FCHO2: variants seen among roughly 807,000 people sequenced by gnomAD.
The protein encoded by FCHO2 is FCH and mu domain containing endocytic adaptor 2, also known as F-BAR domain only protein 2.
In FCHO2, 43 loss-of-function variants were observed where a neutral mutation model predicts 114.1. The ratio of observed to expected loss-of-function variants is 0.38; its 90% confidence interval spans 0.30 to 0.49. The LOEUF is 0.49. FCHO2 is among the 20% of genes least tolerant of loss of function. The pLI is 0.97. For synonymous variants in FCHO2, 293 were observed against 315.2 expected, an observed-to-expected ratio of 0.93 and a Z score of 0.75; for missense variants, 807 against 950.4, an observed-to-expected ratio of 0.85 and a Z score of 1.98.
At chr5:73,082,082 T>G (rs950811978) in intron 23 of FCHO2, 100 bp downstream of exon 23, 1 of 1,078,890 alleles carries the variant, frequency 9.3e-7, no homozygotes, top group Admixed American at 3.1e-5. Flanking sequence ...GTTTGAAAAA[T>G]TTTTGTGCCT....
At position 73,014,688 on chromosome 5, in the gene FCHO2, T is replaced by C. The variant is rs146644718; in HGVS notation, c.601-938T>C. Among the ~76,000 whole-genome samples the C allele has an allele frequency of 5.9e-5, 9 of 152,328 alleles. No individual in the cohort carries two copies. The East Asian group carries it at 9.6e-4, about 16-fold the overall frequency. On this transcript the variant is annotated intron_variant, in intron 6 of 25. Coordinates refer to ENST00000430046, the MANE Select transcript of FCHO2 (RefSeq NM_138782.3). ...TGTAGTTTTTGCTTTGCCAACTGAT[T>C]GTTTTTCAGTTTTTAAAACTCTTTG... is the stretch of plus-strand genomic sequence containing the variant.
chr5:73,043,835 C>T (rs1034643436), intron 11 of FCHO2, among the ~76,000 whole-genome samples: 3 of 152,136 alleles, frequency 2.0e-5, no homozygotes, highest in Admixed American at 6.5e-5. Context: ...TTACAGTGAT[C>T]AGTAGAGAAA....
At chr5:73,045,354 A>G (rs771128696) in intron 11 of FCHO2, among the ~76,000 whole-genome samples, 2 of 152,180 alleles carry the variant, frequency 1.3e-5, no homozygotes, top group African/African-American at 4.8e-5. Context: ...ATCATACAAT[A>G]TGTATGCTTT....
rs1420064542 is a variant in FCHO2, at chr5:72,990,599, C to A, written c.322C>A (p.Gln108Lys). 2 of 1,530,450 alleles carry A rather than the reference C, an allele frequency of 1.3e-6. No individual in the cohort carries two copies. The highest frequency in any genetic ancestry group is 1.7e-6 in the Non-Finnish European group (2 of 1,144,020). The allele number at this position is 1,530,450 out of a possible 1,614,324, so 94.8% of individuals were successfully genotyped here. A position where few individuals can be genotyped will look rare whatever the true frequency, so the allele number is the denominator to read the frequency against. The change falls in exon 4 of 26, where the codon CAA (glutamine) becomes AAA (lysine). Residue 108 changes from glutamine to lysine, a missense_variant. Coordinates refer to ENST00000430046, the MANE Select transcript of FCHO2 (RefSeq NM_138782.3). The stretch of plus-strand genomic sequence containing the variant: ...GGAAGTTCAGAAGTATGGAGAAGAA[C>A]AAGTAAAGTCTCATAAAAAGGTATC... Reference protein sequence around the residue: ...IKEVQKYGEEQVKSHKKTKEE... With the variant: ...IKEVQKYGEEKVKSHKKTKEE...
At chr5:73,030,381 A>G (rs1756174669) in intron 8 of FCHO2, among the ~76,000 whole-genome samples, 1 of 152,190 alleles carries the variant, frequency 6.6e-6, no homozygotes, top group South Asian at 2.1e-4. Flanking sequence ...ATACCACTAT[A>G]TTTTAAAACT....
intron 19 of FCHO2, among the ~76,000 whole-genome samples, chr5:73,071,329 A>C (rs1237235988): frequency 6.6e-6 from 1 of 152,026 alleles, no homozygotes; most frequent in Non-Finnish European, 1.5e-5. Flanking sequence ...TAAAAAAAAA[A>C]CCTCTAATAC....
intron 11 of FCHO2, 98 bp from the exon 12 acceptor site, chr5:73,051,251 G>A (rs1230981863): frequency 3.2e-5 from 23 of 727,654 alleles, no homozygotes; most frequent in Non-Finnish European, 4.8e-5. Context: ...TCTGAGAAGC[G>A]GTTTGGTTCC....
intron 9 of FCHO2, 55 bp from the exon 10 acceptor site, chr5:73,037,088 A>T: frequency 8.1e-7 from 1 of 1,241,046 alleles, no homozygotes; most frequent in Non-Finnish European, 1.1e-6. Context: ...CCATAAGTTT[A>T]ATATGTTTAT....
chr5:73,002,086 A>T (rs1754474861), intron 5 of FCHO2, among the ~76,000 whole-genome samples: 1 of 152,188 alleles, frequency 6.6e-6, no homozygotes, highest in Non-Finnish European at 1.5e-5. Context: ...AACCTTTGAG[A>T]TAAAGATAAT....
At chr5:73,029,986 T>G in intron 8 of FCHO2, among the ~76,000 whole-genome samples, 1 of 149,578 alleles carries the variant, frequency 6.7e-6, no homozygotes, top group Non-Finnish European at 1.5e-5. Flanking sequence ...GGACATTTTT[T>G]TCTTTGCATT....
intron 9 of FCHO2, 22 bp from the exon 10 acceptor site, chr5:73,037,121 A>G: frequency 1.4e-6 from 2 of 1,442,704 alleles, no homozygotes; most frequent in East Asian, 2.4e-5. Flanking sequence ...TGTTTCTGTA[A>G]CAATATATAT....
chr5:72,995,343 C>A (rs1187898302), intron 5 of FCHO2, among the ~76,000 whole-genome samples: 1 of 151,894 alleles, frequency 6.6e-6, no homozygotes, highest in Non-Finnish European at 1.5e-5. Context: ...GCAACCTCCG[C>A]CTCCCGAGTT....
At chr5:72,964,314 A>G (rs545120916) in intron 1 of FCHO2, among the ~76,000 whole-genome samples, 3 of 152,316 alleles carry the variant, frequency 2.0e-5, no homozygotes, top group East Asian at 3.9e-4. Context: ...CCTTCAATCA[A>G]CCAACAAATA....
At chr5:72,957,946 T>C (rs1327094366) in intron 1 of FCHO2, among the ~76,000 whole-genome samples, 2 of 152,214 alleles carry the variant, frequency 1.3e-5, no homozygotes, top group African/African-American at 4.8e-5. Context: ...TTAATGTGCT[T>C]ATTGCCTATT....
Position 73,082,834 on chromosome 5 carries a change from G to C in FCHO2, c.2245+9G>C. ...AAAATCAGAAAATGGAGGTAAGTGT[G>C]TGTGTCCTTTTTTATTTATAAAATG... On this transcript the variant is annotated intron_variant, in intron 24 of 25. Coordinates refer to ENST00000430046, the MANE Select transcript of FCHO2 (RefSeq NM_138782.3). The C allele has an allele frequency of 6.4e-7, 1 of 1,571,402 alleles. No individual in the cohort carries two copies. The highest frequency in any genetic ancestry group is 8.6e-7 in the Non-Finnish European group (1 of 1,162,794).
Position 73,035,200 on chromosome 5 carries a change from T to G in FCHO2, c.841+499T>G, listed in dbSNP as rs148624758. ...TGGGAGGCTGAGGCAGGAGGATTAC[T>G]TGAGTCCAGGAGTTCGAGACCAGCC... On this transcript the variant is annotated intron_variant, in intron 9 of 25. Transcript: ENST00000430046. 3.8e-3 allele frequency among the ~76,000 whole-genome samples: 580 copies of G among 152,200 alleles called. 2 individuals are homozygous for G. The highest frequency in any genetic ancestry group is 0.013 in the African/African-American group (545 of 41,526).
intron 1 of FCHO2, 115 bp downstream of exon 1, chr5:72,956,244 C>T (rs1751526693): frequency 1.5e-6 from 2 of 1,378,658 alleles, no homozygotes; most frequent in African/African-American, 3.0e-5. Context: ...GGCGAGCGTC[C>T]TCCTGCCGCG....
chr5:73,060,878 A>G (rs1206544521), intron 17 of FCHO2, among the ~76,000 whole-genome samples: 1 of 152,000 alleles, frequency 6.6e-6, no homozygotes, highest in East Asian at 1.9e-4. Flanking sequence ...GTCAGATATG[A>G]ATATATATAA....
At chr5:73,059,049 T>C (rs1007786198) in intron 17 of FCHO2, among the ~76,000 whole-genome samples, 4 of 152,182 alleles carry the variant, frequency 2.6e-5, no homozygotes, top group African/African-American at 7.2e-5. Flanking sequence ...ACAAAAGAAG[T>C]TGATAAATGT....
Sources: allele counts gnomAD v4.1 joint callset (sites outside exome capture counted in the v4.1 genomes callset), GRCh38; gene constraint gnomAD v4.1.1; transcripts MANE v1.5; gene names NCBI Gene and HGNC (gene_info 2026-07-23, HGNC 2026-07-21).